Variants in SCUBE1 observed in about 807,000 individuals in gnomAD.
SCUBE1 encodes signal peptide, CUB domain and EGF like domain containing 1, also known as signal peptide, CUB and EGF-like domain-containing protein 1.
In SCUBE1, 59 loss-of-function variants were observed where a neutral mutation model predicts 124.4. The ratio of observed to expected loss-of-function variants is 0.47; its 90% CI spans 0.38 to 0.59. The LOEUF (loss-of-function observed/expected upper bound fraction) is 0.59, where lower values mean the gene tolerates loss of function less well. Ranked by LOEUF, SCUBE1 falls within the 20% of genes least tolerant of loss-of-function variation. The probability of loss-of-function intolerance (pLI) is 0.00; values close to 1 mark genes in which losing one functional copy is unlikely to be tolerated. For synonymous variants in SCUBE1, 545 were observed against 550.9 expected, an observed-to-expected ratio of 0.99 and a Z score of 0.15; for missense variants, 1,150 against 1,371.2, an observed-to-expected ratio of 0.84 and a Z score of 2.55.
At chr22:43,266,211 C>A (rs943412993) in intron 4 of SCUBE1, among the ~76,000 whole-genome samples, 1 of 152,304 alleles carries the variant, frequency 6.6e-6, no homozygotes, top group African/African-American at 2.4e-5. Context: ...CCCGCGCGAG[C>A]CAGGCTCACC....
Position 43,211,806 on chromosome 22 carries a change from G to A in SCUBE1, c.2221+619C>T, listed in dbSNP as rs544165018. ...CCCAAAGTGCTGGGATTATAGGTGT[G>A]TGCCACCGCACCTGGCTTCTTTTTT... On this transcript the variant is annotated intron_variant, in intron 17 of 21. Transcript: ENST00000360835. The surrounding 1 kb of genome is among the most constrained non-coding windows in gnomAD (Gnocchi z 4.5). Among the ~76,000 whole-genome samples, 15 of 152,146 alleles carry A rather than the reference G, an allele frequency of 9.9e-5. No individual in the cohort carries two copies. Among genetic ancestry groups the A allele is most frequent in the Non-Finnish European group, 1.8e-4 (12 of 68,026 alleles).
intron 8 of SCUBE1, among the ~76,000 whole-genome samples, chr22:43,229,825 A>C (rs2146677565): frequency 6.6e-6 from 1 of 152,220 alleles, no homozygotes; most frequent in East Asian, 1.9e-4. Context: ...GAAAGGAAAA[A>C]ATGAACCACC....
At position 43,198,852 on chromosome 22, in the gene SCUBE1, G is replaced by A. The variant is rs1920961901; in HGVS notation, c.*5145C>T. 2.5e-6 allele frequency: 1 copy of A among 402,714 alleles called. No homozygotes were observed. The highest frequency in any genetic ancestry group is 5.0e-6 in the Non-Finnish European group (1 of 199,700). 24.9% of individuals were successfully genotyped at this position (402,714 alleles called of 1,614,324 possible). A position where few individuals can be genotyped will look rare whatever the true frequency, so the allele number is the denominator to read the frequency against. On this transcript the variant is annotated 3_prime_UTR_variant, in exon 22 of 22. Transcript: ENST00000360835. The stretch of plus-strand genomic sequence containing the variant: ...GTCTGTCTATCTGCTGTCTGGGGAA[G>A]TGTGTCTGTCTGTCTGCTGTCTGGG...
chr22:43,246,728 C>T (rs1036966571), intron 6 of SCUBE1, among the ~76,000 whole-genome samples: 1 of 152,244 alleles, frequency 6.6e-6, no homozygotes, highest in African/African-American at 2.4e-5. Context: ...TCCAGGTTTT[C>T]GTGGGCTGCC....
rs190281521 is a variant in SCUBE1 at position 43,270,983 on chromosome 22, G to C, written c.485-8138C>G. ...TGTCCTTCTTCGAGCCCTGGGTGAGGGGCAGCCTCCCGGCCGCCCTGCACA... is the reference window on the plus strand; with the variant it reads ...TGTCCTTCTTCGAGCCCTGGGTGAGCGGCAGCCTCCCGGCCGCCCTGCACA... On this transcript the variant is annotated intron_variant, in intron 4 of 21. Transcript: ENST00000360835. Among the ~76,000 whole-genome samples the C allele has an allele frequency of 3.1e-4, 47 of 152,230 alleles. 1 individual carries two copies. The South Asian group carries it at 3.1e-3, about 10-fold the overall frequency.
At position 43,218,414 on chromosome 22, in the gene SCUBE1, GGCTCTGTTCT is replaced by G; in HGVS notation, c.1722_1731del (p.Glu575CysfsTer28). On this transcript the variant is annotated frameshift_variant, in exon 15 of 22. Coordinates refer to ENST00000360835, the MANE Select transcript of SCUBE1 (RefSeq NM_173050.5). LOFTEE classifies it high-confidence loss of function. ...CGCAGGGTCTTGATGGCGGCCTGCA[GGCTCTGTTCT>G]GCTCGCTTCCGCAAGCAGTCCGCTT... 6.2e-7 allele frequency: 1 copy of G among 1,613,194 alleles called. No homozygotes were observed. Among genetic ancestry groups the G allele is most frequent in the Non-Finnish European group, 8.5e-7 (1 of 1,180,038 alleles).
intron 5 of SCUBE1, among the ~76,000 whole-genome samples, chr22:43,260,517 C>A (rs1373777232): frequency 6.6e-6 from 1 of 152,226 alleles, no homozygotes; most frequent in Non-Finnish European, 1.5e-5. Flanking sequence ...AGCCCCCAAC[C>A]CAGCTTGAGA....
intron 19 of SCUBE1, among the ~76,000 whole-genome samples, chr22:43,209,517 A>G (rs7287269): frequency 0.039 from 5,979 of 152,148 alleles, 145 homozygotes; most frequent in South Asian, 0.058. Context: ...TTCACTCCCT[A>G]AAGTCTCAAG....
At chr22:43,339,639 C>T (rs1352091591) in intron 1 of SCUBE1, among the ~76,000 whole-genome samples, 1 of 140,704 alleles carries the variant, frequency 7.1e-6, no homozygotes, top group Non-Finnish European at 1.5e-5. Flanking sequence ...ACTCTATCCC[C>T]CCACAAGCAT....
intron 4 of SCUBE1, among the ~76,000 whole-genome samples, chr22:43,274,514 C>G (rs1924420079): frequency 6.6e-6 from 1 of 152,206 alleles, no homozygotes; most frequent in Admixed American, 6.5e-5. Flanking sequence ...GTGCCCAGGC[C>G]ATGGCCTGCC....
chr22:43,208,854 C>A (rs984088187), intron 19 of SCUBE1, among the ~76,000 whole-genome samples: 14 of 152,228 alleles, frequency 9.2e-5, no homozygotes, highest in Non-Finnish European at 1.8e-4. Context: ...ACAGTGGGAG[C>A]ACCCCAGCCC....
intron 7 of SCUBE1, chr22:43,233,514 G>A (rs9620127): frequency 0.24 from 35,752 of 152,102 alleles, 4,598 homozygotes; most frequent in Middle Eastern, 0.32. Flanking sequence ...CGTCTCAGCA[G>A]ACCTGCCAGA....
chr22:43,311,681 T>A (rs1926176069), intron 3 of SCUBE1, among the ~76,000 whole-genome samples: 1 of 151,828 alleles, frequency 6.6e-6, no homozygotes, highest in African/African-American at 2.4e-5. Flanking sequence ...CCCGCCTCGG[T>A]CTCTCAAAGT....
chr22:43,278,659 C>CT (rs1387798417), intron 4 of SCUBE1, among the ~76,000 whole-genome samples: 1 of 152,158 alleles, frequency 6.6e-6, no homozygotes, highest in East Asian at 1.9e-4. Context: ...TGGCTTGTTT[C>CT]TTTGAGTCTG....
intron 2 of SCUBE1, among the ~76,000 whole-genome samples, chr22:43,333,610 G>C (rs538649476): frequency 6.6e-6 from 1 of 152,312 alleles, no homozygotes; most frequent in South Asian, 2.1e-4. Context: ...CTCGGGTTGT[G>C]AAAATGATAG....
chr22:43,252,233 G>C (rs968390275), intron 6 of SCUBE1, among the ~76,000 whole-genome samples: 1 of 152,176 alleles, frequency 6.6e-6, no homozygotes, highest in Non-Finnish European at 1.5e-5. Context: ...CTCTCTCTCC[G>C]GCCACATTCT....
At chr22:43,295,917 G>A (rs539544577) in intron 3 of SCUBE1, among the ~76,000 whole-genome samples, 4 of 152,224 alleles carry the variant, frequency 2.6e-5, no homozygotes, top group Non-Finnish European at 4.4e-5. Flanking sequence ...ACAGCAGAGA[G>A]GTGTGACCTG....
At chr22:43,269,646 G>A (rs1218723366) in intron 4 of SCUBE1, among the ~76,000 whole-genome samples, 1 of 152,086 alleles carries the variant, frequency 6.6e-6, no homozygotes, top group Non-Finnish European at 1.5e-5. Flanking sequence ...CCTCAACTTG[G>A]GAGGAAGGGA....
chr22:43,230,021 G>T (rs1038460570), intron 8 of SCUBE1, among the ~76,000 whole-genome samples: 5 of 152,196 alleles, frequency 3.3e-5, no homozygotes, highest in African/African-American at 1.2e-4. Context: ...TAATATACGC[G>T]TATTTATAAA....
Sources: allele counts gnomAD v4.1 joint callset (sites outside exome capture counted in the v4.1 genomes callset), GRCh38; gene constraint gnomAD v4.1.1; non-coding constraint Gnocchi (gnomAD v3.1); transcripts MANE v1.5; gene names NCBI Gene and HGNC (gene_info 2026-07-23, HGNC 2026-07-21).